Variants in PHLPP1 observed in about 807,000 individuals in gnomAD.
PHLPP1 encodes PH domain and leucine rich repeat protein phosphatase 1.
In PHLPP1, 42 loss-of-function variants were observed where a neutral mutation model predicts 117.2. That is an observed-to-expected ratio of 0.36 (90% confidence interval 0.28 to 0.46). The LOEUF is 0.46. Among genes scored for constraint, PHLPP1 ranks in the 20% least tolerant of loss-of-function variants. The probability of loss-of-function intolerance (pLI) is 1.00; values close to 1 mark genes in which losing one functional copy is unlikely to be tolerated. For synonymous variants in PHLPP1, 1,042 were observed against 970.7 expected (o/e 1.07, Z -1.37); for missense variants, 2,084 against 2,241.9 (o/e 0.93, Z 1.42).
intron 2 of PHLPP1, among the ~76,000 whole-genome samples, chr18:62,834,236 G>T (rs1232910292): frequency 6.6e-6 from 1 of 152,072 alleles, no homozygotes; most frequent in East Asian, 1.9e-4. Flanking sequence ...GGCCTTGTAT[G>T]TTTGGATGCA....
intron 1 of PHLPP1, among the ~76,000 whole-genome samples, chr18:62,800,607 C>T (rs563095776): frequency 1.3e-5 from 2 of 151,384 alleles, no homozygotes; most frequent in Non-Finnish European, 2.9e-5. Flanking sequence ...CTGTTTGTCT[C>T]GGGGGAGCAT....
At chr18:62,739,997 C>T (rs1158395666) in intron 1 of PHLPP1, among the ~76,000 whole-genome samples, 4 of 152,164 alleles carry the variant, frequency 2.6e-5, no homozygotes, top group Admixed American at 2.0e-4. Flanking sequence ...AAGCACCTTA[C>T]TGCACTGGAA....
intron 1 of PHLPP1, among the ~76,000 whole-genome samples, chr18:62,739,963 T>C (rs1911474997): frequency 6.6e-6 from 1 of 152,190 alleles, no homozygotes; most frequent in African/African-American, 2.4e-5. Context: ...TTTTGGAGGA[T>C]TGATCCTTCC....
chr18:62,743,492 T>A (rs1911589879), intron 1 of PHLPP1, among the ~76,000 whole-genome samples: 1 of 152,144 alleles, frequency 6.6e-6, no homozygotes, highest in Non-Finnish European at 1.5e-5. Context: ...TATCATTTCA[T>A]CCATAAATAC....
intron 3 of PHLPP1, among the ~76,000 whole-genome samples, chr18:62,858,262 C>CTT (rs34800076): frequency 1.5e-4 from 19 of 128,318 alleles, no homozygotes; most frequent in South Asian, 2.5e-4. Context: ...TCAGCAGAAC[C>CTT]TTTTTTTTTT....
At chr18:62,833,152 C>A (rs1248983076) in intron 2 of PHLPP1, among the ~76,000 whole-genome samples, 1 of 152,086 alleles carries the variant, frequency 6.6e-6, no homozygotes, top group Admixed American at 6.6e-5. Flanking sequence ...TGGGTCACTG[C>A]ACTCTCTGCC....
intron 4 of PHLPP1, among the ~76,000 whole-genome samples, chr18:62,878,688 GA>G (rs1916103954): frequency 6.6e-6 from 1 of 152,078 alleles, no homozygotes. Context: ...TAATTAATAA[GA>G]AAACCTTGGG....
intron 3 of PHLPP1, among the ~76,000 whole-genome samples, chr18:62,858,420 G>A (rs1179211756): frequency 6.6e-6 from 1 of 151,984 alleles, no homozygotes; most frequent in African/African-American, 2.4e-5. Flanking sequence ...CCACCACTAC[G>A]CCCAGCTAAT....
At chr18:62,805,573 C>A (rs1269150264) in intron 1 of PHLPP1, among the ~76,000 whole-genome samples, 1 of 152,062 alleles carries the variant, frequency 6.6e-6, no homozygotes, top group Non-Finnish European at 1.5e-5. Flanking sequence ...GTTGCTCAGG[C>A]TGGTCCCACA....
Position 62,958,727 on chromosome 18 carries a change from T to C in PHLPP1, c.3423T>C (p.Leu1141=), listed in dbSNP as rs1411416564. ...TAGACCTGACTGGAAACCCGCGCCT[T>C]GTCCTTGATCACAAAACCCTGGAAC... ...QELDLTGNPR[L]VLDHKTLELL... is the part of the protein sequence containing the mutation. The change falls in exon 13 of 17, where the codon CTT becomes CTC. Residue 1141 remains leucine (L), a synonymous_variant. Transcript: ENST00000262719. 2.5e-6 allele frequency: 4 copies of C among 1,613,914 alleles called. No individual in the cohort carries two copies. In the African/African-American group the frequency reaches 5.3e-5, roughly 22 times the overall value.
chr18:62,730,847 A>G (rs975617361), intron 1 of PHLPP1, among the ~76,000 whole-genome samples: 4 of 151,884 alleles, frequency 2.6e-5, no homozygotes, highest in African/African-American at 9.7e-5. Flanking sequence ...ATTTGATGAT[A>G]CGTGTGGAAG....
At chr18:62,945,617 C>G (rs1218118193) in intron 12 of PHLPP1, among the ~76,000 whole-genome samples, 1 of 152,162 alleles carries the variant, frequency 6.6e-6, no homozygotes, top group African/African-American at 2.4e-5. Context: ...AAGGCTGACG[C>G]TGGTGTAATC....
At chr18:62,929,066 G>C (rs1400882899) in intron 10 of PHLPP1, among the ~76,000 whole-genome samples, 1 of 152,074 alleles carries the variant, frequency 6.6e-6, no homozygotes, top group Non-Finnish European at 1.5e-5. Flanking sequence ...TGGTGGTGAT[G>C]GTTGCACAAG....
At chr18:62,827,631 A>G (rs1914645299) in intron 1 of PHLPP1, among the ~76,000 whole-genome samples, 1 of 152,214 alleles carries the variant, frequency 6.6e-6, no homozygotes, top group South Asian at 2.1e-4. Context: ...TCAGAGCAAG[A>G]CCAGAGGGAT....
intron 4 of PHLPP1, among the ~76,000 whole-genome samples, chr18:62,883,733 A>G (rs1355071934): frequency 2.0e-5 from 3 of 152,206 alleles, no homozygotes; most frequent in African/African-American, 7.2e-5. Flanking sequence ...TTGTGTTTTC[A>G]GATTAAATGG....
intron 6 of PHLPP1, among the ~76,000 whole-genome samples, chr18:62,898,030 C>T (rs1159845435): frequency 6.6e-6 from 1 of 152,106 alleles, no homozygotes; most frequent in African/African-American, 2.4e-5. Context: ...CCTCTTTCTC[C>T]TCTTTGTACA....
At chr18:62,916,551 G>A (rs1039006330) in intron 9 of PHLPP1, among the ~76,000 whole-genome samples, 1 of 151,274 alleles carries the variant, frequency 6.6e-6, no homozygotes, top group African/African-American at 2.4e-5. Flanking sequence ...AGAATATTAT[G>A]TTGACTGAGC....
intron 1 of PHLPP1, among the ~76,000 whole-genome samples, chr18:62,755,867 C>T (rs1179687398): frequency 6.6e-6 from 1 of 152,084 alleles, no homozygotes; most frequent in Non-Finnish European, 1.5e-5. Flanking sequence ...AGGTATTATT[C>T]ATTCTTCTGG....
rs571118517 is a variant in PHLPP1, at chr18:62,891,452, G to A, written c.2067-3559G>A. Among the ~76,000 whole-genome samples, 17 of 152,178 alleles carry A rather than the reference G, an allele frequency of 1.1e-4. No homozygotes were observed. The South Asian group carries it at 1.5e-3, about 13-fold the overall frequency. ...AAAATACAAAAATCAGCCAAATGTG[G>A]TTCTCGGCACCTGTAATCCCAGCTA... On this transcript the variant is annotated intron_variant, in intron 4 of 16. Coordinates refer to ENST00000262719, the MANE Select transcript of PHLPP1 (RefSeq NM_194449.4).
Sources: allele counts gnomAD v4.1 joint callset (sites outside exome capture counted in the v4.1 genomes callset), GRCh38; gene constraint gnomAD v4.1.1; transcripts MANE v1.5; gene names NCBI Gene and HGNC (gene_info 2026-07-23, HGNC 2026-07-21).